The following PASK variants were observed in gnomAD, a reference collection of about 807,000 sequenced individuals.
PASK encodes the protein PAS domain containing serine/threonine kinase.
PASK carries 110 observed loss-of-function variants against 121.0 expected under a neutral mutation model. The observed-to-expected ratio is 0.91, with a 90% CI of 0.78 to 1.06. The LOEUF is 1.06. Among genes scored for constraint, PASK ranks in the 50% least tolerant of loss-of-function variants. PASK has a pLI of 0.00. For synonymous variants in PASK, 686 were observed against 717.8 expected, an observed-to-expected ratio of 0.96 and a Z score of 0.71; for missense variants, 1,643 against 1,702.3, an observed-to-expected ratio of 0.97 and a Z score of 0.61.
intron 5 of PASK, 74 bp downstream of exon 5, chr2:241,138,580 A>G: frequency 6.6e-7 from 1 of 1,526,126 alleles, no homozygotes; most frequent in East Asian, 2.2e-5. Context: ...TGAGACAGGG[A>G]CCAGCACTTG....
intron 5 of PASK, 52 bp downstream of exon 5, chr2:241,138,602 A>G: frequency 3.1e-6 from 5 of 1,606,098 alleles, no homozygotes; most frequent in Non-Finnish European, 4.3e-6. Flanking sequence ...TGAAGAGGAG[A>G]ACGACGCCGG....
intron 14 of PASK, chr2:241,114,705 C>CT: frequency 7.5e-7 from 1 of 1,324,780 alleles, no homozygotes; most frequent in African/African-American, 1.5e-5. Flanking sequence ...GCACACATGC[C>CT]TTTGAGACGC....
chr2:241,122,993 C>G (rs1347619185), intron 11 of PASK, 94 bp from the exon 12 acceptor site: 1 of 1,271,486 alleles, frequency 7.9e-7, no homozygotes, highest in Non-Finnish European at 1.1e-6. Flanking sequence ...TCAGCAGCCG[C>G]CCGAGGCAGG....
At chr2:241,148,451 G>A (rs1441410360) in intron 1 of PASK, among the ~76,000 whole-genome samples, 1 of 152,166 alleles carries the variant, frequency 6.6e-6, no homozygotes, top group Non-Finnish European at 1.5e-5. Context: ...CAGTCCTGGA[G>A]GAGGCACCTG....
chr2:241,137,487 C>G (rs2066492325), intron 6 of PASK, among the ~76,000 whole-genome samples: 2 of 152,030 alleles, frequency 1.3e-5, no homozygotes, highest in African/African-American at 4.8e-5. Flanking sequence ...CCGCCCCAGG[C>G]ACAGCAACCC....
In PASK at chr2:241,138,691, AC is replaced by A; in HGVS notation, c.703del (p.Val235TrpfsTer43). ...RLCCVVVLEPVERVSTWVAFQ... is the reference protein window; with the variant it reads ...RLCCVVVLEPXERVSTWVAFQ... Reference sequence around the variant, plus strand: ...AGCGACCCAGGTCGAGACCCTCTCCACGGGCTCCAGGACCACCACGCAGCAT... The same window carrying A: ...AGCGACCCAGGTCGAGACCCTCTCCAGGGCTCCAGGACCACCACGCAGCAT... On this transcript the variant is annotated frameshift_variant, in exon 5 of 18. Coordinates refer to ENST00000234040, the MANE Select transcript of PASK (RefSeq NM_015148.4). LOFTEE classifies it high-confidence loss of function. 6.2e-7 allele frequency: 1 copy of A among 1,614,142 alleles called. No homozygotes were observed. The highest frequency in any genetic ancestry group is 8.5e-7 in the Non-Finnish European group (1 of 1,180,038).
At chr2:241,130,257 A>G (rs1288950685) in intron 9 of PASK, among the ~76,000 whole-genome samples, 5 of 152,236 alleles carry the variant, frequency 3.3e-5, no homozygotes, top group Non-Finnish European at 7.3e-5. Context: ...AAATCTCTAT[A>G]GTCATAACTG....
chr2:241,126,080 G>C, intron 10 of PASK, 116 bp downstream of exon 10: 1 of 877,468 alleles, frequency 1.1e-6, no homozygotes, highest in Non-Finnish European at 1.9e-6. Flanking sequence ...CATGATTTCT[G>C]CTAACACTAT....
intron 9 of PASK, among the ~76,000 whole-genome samples, chr2:241,128,877 G>C (rs140039606): frequency 6.2e-4 from 94 of 151,934 alleles, no homozygotes; most frequent in African/African-American, 2.0e-3. Flanking sequence ...AAAAAAGACG[G>C]AAGAGGAAGG....
intron 10 of PASK, among the ~76,000 whole-genome samples, chr2:241,124,779 T>G (rs1240903046): frequency 6.6e-6 from 1 of 152,218 alleles, no homozygotes; most frequent in Non-Finnish European, 1.5e-5. Context: ...TTTACAAAAT[T>G]CTTTTAAGTG....
chr2:241,106,755 G>A (rs781013176), intron 17 of PASK, 32 bp from the exon 18 acceptor site: 1 of 1,608,012 alleles, frequency 6.2e-7, no homozygotes, highest in Non-Finnish European at 8.5e-7. Flanking sequence ...TGTATCACGT[G>A]CTAACAACTT....
intron 17 of PASK, 107 bp from the exon 18 acceptor site, chr2:241,106,830 C>T (rs2064905871): frequency 2.7e-6 from 3 of 1,111,928 alleles, no homozygotes; most frequent in East Asian, 4.8e-5. Flanking sequence ...AGGTGAGGCC[C>T]TCAGAAATCC....
chr2:241,138,872 G>A (rs1476963208), intron 4 of PASK, 78 bp from the exon 5 acceptor site: 32 of 1,429,546 alleles, frequency 2.2e-5, no homozygotes, highest in Non-Finnish European at 2.8e-5. Context: ...GCCTCCAGGA[G>A]GCCCAAACTC....
chr2:241,115,103 G>T lies in PASK; in HGVS notation c.3273C>A (p.Phe1091Leu). 6.2e-7 allele frequency: 1 copy of T among 1,614,172 alleles called. No individual in the cohort carries two copies. Among genetic ancestry groups the T allele is most frequent in the East Asian group, 2.2e-5 (1 of 44,886 alleles). ...GCCTGGGGTGGCGGTCGATGAAAGC[G>T]AAGAGGTCTAGGCCGGAGCCGTGCT... ...MEKHGSGLDL[F>L]AFIDRHPRLD... Residue 1091 changes from phenylalanine to leucine, a missense_variant, in exon 14 of 18, where the codon TTC becomes TTA. Coordinates refer to ENST00000234040, the MANE Select transcript of PASK (RefSeq NM_015148.4).
intron 7 of PASK, among the ~76,000 whole-genome samples, chr2:241,136,571 C>G (rs909443512): frequency 1.3e-5 from 2 of 152,254 alleles, no homozygotes; most frequent in African/African-American, 4.8e-5. Flanking sequence ...CCCAAAATCC[C>G]TGCAAGGTCT....
chr2:241,126,956 G>A lies in PASK; in HGVS notation c.1959C>T (p.Asp653=), dbSNP rs2065895818. 6.2e-7 allele frequency: 1 copy of A among 1,614,112 alleles called. No homozygotes were observed. Among genetic ancestry groups the A allele is most frequent in the Admixed American group, 1.7e-5 (1 of 60,012 alleles). ...TCAAGCAGGTCTGCAGCTCTTCTCG[G>A]TCGTTTTCCACTCCCAGCCACGGCT... ...LDEPWLGVEN[D]REELQTCLIK... is the part of the protein sequence containing the mutation. Residue 653 remains aspartate, a synonymous_variant, in exon 10 of 18, where the codon GAC becomes GAT. Transcript: ENST00000234040.
Position 241,126,734 on chromosome 2 carries a change from T to C in PASK, c.2181A>G (p.Glu727=). The C allele has an allele frequency of 1.2e-6, 2 of 1,614,148 alleles. No homozygotes were observed. Among genetic ancestry groups the C allele is most frequent in the Non-Finnish European group, 8.5e-7 (1 of 1,180,034 alleles). ...CATCAACCTCCTGGGCCTCCACTGCTTCCAGGCCCCCAGGGAGGTCCGTGG... is the reference window on the plus strand; with the variant it reads ...CATCAACCTCCTGGGCCTCCACTGCCTCCAGGCCCCCAGGGAGGTCCGTGG... ...ALATDLPGGL[E]AVEAQEVDVN... is the part of the protein sequence containing the mutation. Residue 727 remains glutamate, a synonymous_variant, in exon 10 of 18, where the codon GAA becomes GAG. Transcript: ENST00000234040.
intron 9 of PASK, among the ~76,000 whole-genome samples, chr2:241,131,982 G>A (rs2066158641): frequency 6.6e-6 from 1 of 150,708 alleles, no homozygotes; most frequent in Non-Finnish European, 1.5e-5. Flanking sequence ...TGAACCAGGG[G>A]GCAGAAGTTA....
intron 9 of PASK, 53 bp downstream of exon 9, chr2:241,132,821 T>C (rs1362029974): frequency 7.1e-7 from 1 of 1,414,814 alleles, no homozygotes; most frequent in Non-Finnish European, 1.0e-6. Context: ...CTCATTCACC[T>C]ACCATCTGTC....
Sources: gnomAD v4.1 joint callset for allele counts (sites outside exome capture counted in the v4.1 genomes callset) on GRCh38, gnomAD v4.1.1 for gene constraint, MANE v1.5 for transcripts, NCBI Gene and HGNC (gene_info 2026-07-23, HGNC 2026-07-21) for gene names.